Variants in HTR1F observed in about 807,000 individuals in gnomAD.
The protein encoded by HTR1F is 5-hydroxytryptamine receptor 1F.
Under a neutral mutation model 24.0 loss-of-function variants are expected in HTR1F, and 17 were observed. That is an observed-to-expected ratio of 0.71 (90% CI 0.48 to 1.06). The LOEUF is 1.06. Ranked by LOEUF, HTR1F falls within the 50% of genes least tolerant of loss-of-function variation. The pLI is 0.00. For synonymous variants in HTR1F, 186 were observed against 156.8 expected (o/e 1.19, Z -1.39); for missense variants, 391 against 427.8 (o/e 0.91, Z 0.76).
At chr3:87,972,407 C>A (rs1254480909) in intron 2 of HTR1F, among the ~76,000 whole-genome samples, 1 of 152,064 alleles carries the variant, frequency 6.6e-6, no homozygotes, top group Non-Finnish European at 1.5e-5. Context: ...TACATTTTCC[C>A]AATTTCTTCA....
rs150221027 is a variant in HTR1F at position 87,866,627 on chromosome 3, C to G, written c.-43+44503C>G. Among the ~76,000 whole-genome samples, 1,244 of 149,014 alleles carry G rather than the reference C, an allele frequency of 8.3e-3. 25 individuals are homozygous for G. The highest frequency in any genetic ancestry group is 0.029 in the African/African-American group (1,180 of 41,358). The stretch of plus-strand genomic sequence containing the variant: ...CTTTCCACTATATTGTTTCTTGTAG[C>G]CAATTTTTCTCTCATACTTGCAAAA... On this transcript the variant is annotated intron_variant, in intron 2 of 2. Transcript: ENST00000319595.
intron 2 of HTR1F, among the ~76,000 whole-genome samples, chr3:87,825,185 A>G (rs1262191379): frequency 6.6e-6 from 1 of 152,186 alleles, no homozygotes; most frequent in Admixed American, 6.5e-5. Context: ...TATGATTTGC[A>G]TCTCTCCCAT....
chr3:87,988,646 C>T (rs1320238435), intron 2 of HTR1F, among the ~76,000 whole-genome samples: 2 of 152,022 alleles, frequency 1.3e-5, no homozygotes, highest in Non-Finnish European at 2.9e-5. Flanking sequence ...TGCAGTGGCA[C>T]GATTTTGGCT....
At chr3:87,852,392 C>G (rs1004112188) in intron 2 of HTR1F, among the ~76,000 whole-genome samples, 1 of 151,598 alleles carries the variant, frequency 6.6e-6, no homozygotes, top group Non-Finnish European at 1.5e-5. Flanking sequence ...TGGCTTATTT[C>G]TAAAATTGCT....
intron 2 of HTR1F, among the ~76,000 whole-genome samples, chr3:87,854,975 A>G (rs2107215541): frequency 1.3e-5 from 2 of 152,172 alleles, no homozygotes; most frequent in South Asian, 4.1e-4. Context: ...CTCCTCAAGC[A>G]GATCTATTCA....
chr3:87,823,725 C>T (rs1454697479), intron 2 of HTR1F, among the ~76,000 whole-genome samples: 3 of 151,808 alleles, frequency 2.0e-5, no homozygotes, highest in Non-Finnish European at 2.9e-5. Flanking sequence ...GTGATCCATC[C>T]TCCTCAGCCT....
chr3:87,926,647 T>C (rs952343710), intron 2 of HTR1F, among the ~76,000 whole-genome samples: 4 of 152,120 alleles, frequency 2.6e-5, no homozygotes, highest in Non-Finnish European at 4.4e-5. Flanking sequence ...ACTGCCCTCA[T>C]ATAGTGTATA....
At chr3:87,874,145 A>G (rs2107264079) in intron 2 of HTR1F, among the ~76,000 whole-genome samples, 1 of 152,276 alleles carries the variant, frequency 6.6e-6, no homozygotes, top group East Asian at 1.9e-4. Flanking sequence ...AGGCAAGAAA[A>G]AGAAAAAAAG....
intron 1 of HTR1F, among the ~76,000 whole-genome samples, chr3:87,798,568 G>C (rs1205037547): frequency 6.6e-6 from 1 of 151,098 alleles, no homozygotes; most frequent in African/African-American, 2.4e-5. Context: ...AGTCCCATTT[G>C]ATCTTTTCTC....
At chr3:87,955,455 A>G (rs1378685731) in intron 2 of HTR1F, among the ~76,000 whole-genome samples, 1 of 151,420 alleles carries the variant, frequency 6.6e-6, no homozygotes, top group Non-Finnish European at 1.5e-5. Flanking sequence ...ACCATTGATG[A>G]ATTGGGTTGT....
intron 1 of HTR1F, among the ~76,000 whole-genome samples, chr3:87,815,570 G>A (rs1311548458): frequency 1.3e-5 from 2 of 152,072 alleles, no homozygotes; most frequent in Non-Finnish European, 2.9e-5. Flanking sequence ...TTTTATAGAA[G>A]AGGGAACTGA....
At chr3:87,797,652 T>C (rs1038137707) in intron 1 of HTR1F, among the ~76,000 whole-genome samples, 9 of 147,378 alleles carry the variant, frequency 6.1e-5, no homozygotes, top group African/African-American at 2.2e-4. Flanking sequence ...ACTTCACGCA[T>C]GAATCTGAAA....
chr3:87,936,390 TTTC>T (rs1322713187), intron 2 of HTR1F, among the ~76,000 whole-genome samples: 6 of 152,246 alleles, frequency 3.9e-5, no homozygotes, highest in Non-Finnish European at 8.8e-5. Context: ...ATAATTTTGC[TTTC>T]TTCCTCTGAG....
At chr3:87,838,154 T>C (rs1384263062) in intron 2 of HTR1F, among the ~76,000 whole-genome samples, 1 of 152,138 alleles carries the variant, frequency 6.6e-6, no homozygotes, top group African/African-American at 2.4e-5. Context: ...TAATTGCTAA[T>C]AGAAATTGAC....
chr3:87,829,606 C>T (rs1020561646), intron 2 of HTR1F, among the ~76,000 whole-genome samples: 10 of 152,176 alleles, frequency 6.6e-5, no homozygotes, highest in African/African-American at 2.4e-4. Context: ...ACTTAAGGAG[C>T]TTTTCATCTA....
chr3:87,793,018 G>A (rs753372316), intron 1 of HTR1F, among the ~76,000 whole-genome samples, 176 bp downstream of exon 1: 20 of 152,362 alleles, frequency 1.3e-4, no homozygotes, highest in Admixed American at 3.3e-4. Context: ...ATCTAACAGC[G>A]CAGGAATTCA....
At chr3:87,915,356 C>T (rs1703869812) in intron 2 of HTR1F, among the ~76,000 whole-genome samples, 1 of 152,038 alleles carries the variant, frequency 6.6e-6, no homozygotes, top group South Asian at 2.1e-4. Context: ...AGGAAGAAAC[C>T]CCTGAATTAC....
chr3:87,814,662 A>G (rs1704219285), intron 1 of HTR1F, among the ~76,000 whole-genome samples: 1 of 152,174 alleles, frequency 6.6e-6, no homozygotes. Context: ...AAACATCTTA[A>G]AATGATTAAA....
Position 87,812,904 on chromosome 3 carries a change from GAGTCAAGA to G in HTR1F, c.-159-9094_-159-9087del, listed in dbSNP as rs200979527. ...ACATGGTGCTGGGTCTGCATGTGCA[GAGTCAAGA>G]AGTCAAGAATTGAGGTTTGGGAACC... is the stretch of plus-strand genomic sequence containing the variant. On this transcript the variant is annotated intron_variant, in intron 1 of 2. Coordinates refer to ENST00000319595, the MANE Select transcript of HTR1F (RefSeq NM_001322209.2). Among the ~76,000 whole-genome samples, 586 of 152,368 alleles carry G rather than the reference GAGTCAAGA, an allele frequency of 3.8e-3. 5 individuals are homozygous for G. Among genetic ancestry groups the G allele is most frequent in the African/African-American group, 0.014 (563 of 41,588 alleles).
Sources: allele counts gnomAD v4.1 joint callset (sites outside exome capture counted in the v4.1 genomes callset), GRCh38; gene constraint gnomAD v4.1.1; transcripts MANE v1.5; gene names NCBI Gene and HGNC (gene_info 2026-07-23, HGNC 2026-07-21).